TTC6: variants seen among roughly 807,000 people sequenced by gnomAD.
TTC6 encodes tetratricopeptide repeat protein 6.
Under a neutral mutation model 210.4 loss-of-function variants are expected in TTC6, and 172 were observed. The ratio of observed to expected loss-of-function variants is 0.82; its 90% CI spans 0.72 to 0.93. TTC6 has a LOEUF of 0.93. TTC6 is among the 40% of genes least tolerant of loss of function. TTC6 has a pLI of 0.00. For missense variants in TTC6, 2,414 were observed against 2,318.1 expected (o/e 1.04, Z -0.85); for synonymous variants, 804 against 819.6 (o/e 0.98, Z 0.32).
intron 5 of TTC6, among the ~76,000 whole-genome samples, chr14:37,708,508 G>A (rs909867104): frequency 6.6e-6 from 1 of 152,004 alleles, no homozygotes; most frequent in African/African-American, 2.4e-5. Context: ...TTCAAGCCCA[G>A]GTCTTTATAA....
intron 5 of TTC6, among the ~76,000 whole-genome samples, chr14:37,705,710 A>G (rs1365535587): frequency 6.6e-6 from 1 of 152,136 alleles, no homozygotes; most frequent in African/African-American, 2.4e-5. Flanking sequence ...GAGACCAGTG[A>G]AAAGAAGGGT....
intron 29 of TTC6, among the ~76,000 whole-genome samples, chr14:37,836,801 C>G (rs115387988): frequency 0.013 from 1,945 of 152,182 alleles, 45 homozygotes; most frequent in African/African-American, 0.044. Context: ...GGAGGTAAGA[C>G]TTAGGCTAGG....
intron 10 of TTC6, among the ~76,000 whole-genome samples, chr14:37,745,631 C>T (rs2095933706): frequency 6.6e-6 from 1 of 152,126 alleles, no homozygotes; most frequent in East Asian, 1.9e-4. Flanking sequence ...GTTAAATGGT[C>T]TCAGGCCAAG....
chr14:37,612,967 TTTTA>T (rs1228649759), intron 2 of TTC6, among the ~76,000 whole-genome samples: 1 of 152,184 alleles, frequency 6.6e-6, no homozygotes, highest in Non-Finnish European at 1.5e-5. Context: ...TCTTTATTAC[TTTTA>T]TTTCTTTACC....
chr14:37,627,246 T>C (rs2095661924), intron 1 of TTC6, among the ~76,000 whole-genome samples: 1 of 152,210 alleles, frequency 6.6e-6, no homozygotes, highest in South Asian at 2.1e-4. Context: ...ATGAGCCTAT[T>C]AAACCTCTTT....
intron 1 of TTC6, among the ~76,000 whole-genome samples, chr14:37,666,250 C>T (rs2095747769): frequency 1.3e-5 from 2 of 149,670 alleles, no homozygotes; most frequent in Admixed American, 6.7e-5. Flanking sequence ...GCAACATTCC[C>T]CATCGATCTG....
At chr14:37,783,814 G>T (rs932613685) in intron 14 of TTC6, among the ~76,000 whole-genome samples, 1 of 152,128 alleles carries the variant, frequency 6.6e-6, no homozygotes, top group African/African-American at 2.4e-5. Flanking sequence ...GTGTCCCAGA[G>T]ATTCTGGGAT....
At chr14:37,835,049 T>C (rs2096194486) in intron 29 of TTC6, among the ~76,000 whole-genome samples, 1 of 152,158 alleles carries the variant, frequency 6.6e-6, no homozygotes, top group African/African-American at 2.4e-5. Context: ...GGCAGTCCAG[T>C]CCTCAGGCCC....
At chr14:37,614,853 T>G (rs986470934) in intron 2 of TTC6, among the ~76,000 whole-genome samples, 14 of 152,254 alleles carry the variant, frequency 9.2e-5, no homozygotes, top group African/African-American at 3.4e-4. Flanking sequence ...TTCAAGAAGT[T>G]CTCTTGCTTC....
At chr14:37,775,942 A>G (rs1038780760) in intron 14 of TTC6, among the ~76,000 whole-genome samples, 4 of 151,076 alleles carry the variant, frequency 2.6e-5, no homozygotes, top group African/African-American at 9.8e-5. Flanking sequence ...TAGCATCTCC[A>G]CCTTTTTTTC....
chr14:37,779,730 T>C (rs2096048785), intron 14 of TTC6, among the ~76,000 whole-genome samples: 1 of 152,202 alleles, frequency 6.6e-6, no homozygotes, highest in Admixed American at 6.5e-5. Flanking sequence ...CTATTCTGGT[T>C]ATCTACTTCT....
intron 3 of TTC6, among the ~76,000 whole-genome samples, chr14:37,688,588 GGAGA>G (rs142772632): frequency 3.3e-5 from 5 of 151,054 alleles, no homozygotes; most frequent in South Asian, 4.2e-4. Context: ...TTGGCTCAGG[GGAGA>G]GAGAGAGAGA....
At chr14:37,741,596 C>G (rs2095920039) in intron 10 of TTC6, among the ~76,000 whole-genome samples, 1 of 152,020 alleles carries the variant, frequency 6.6e-6, no homozygotes, top group Non-Finnish European at 1.5e-5. Context: ...GGCCTTTTCT[C>G]ACTAATCTTA....
At chr14:37,790,222 C>T (rs548358009) in intron 15 of TTC6, among the ~76,000 whole-genome samples, 7 of 152,108 alleles carry the variant, frequency 4.6e-5, no homozygotes, top group Admixed American at 6.5e-5. Flanking sequence ...CTTGTCCATC[C>T]CGGTTTGTGT....
rs114686359 is a variant in TTC6 at position 37,606,789 on chromosome 14, A to G, written c.-155+47A>G. ...CCAGTTCATCCTCATCCTGTAAGTCATCAAAAGGCTCTACTCCTTCCCTGT... is the reference window on the plus strand; with the variant it reads ...CCAGTTCATCCTCATCCTGTAAGTCGTCAAAAGGCTCTACTCCTTCCCTGT... On this transcript the variant is annotated intron_variant, in intron 2 of 2. Coordinates refer to the TTC6 transcript ENST00000556845. The G allele has an allele frequency of 1.4e-3, 1,361 of 985,008 alleles. 17 individuals carry two copies. The African/African-American group carries it at 0.021, about 15-fold the overall frequency. 61.0% of individuals were successfully genotyped at this position (985,008 alleles called of 1,614,324 possible).
chr14:37,655,520 G>A (rs2139438463), intron 1 of TTC6, among the ~76,000 whole-genome samples: 1 of 152,232 alleles, frequency 6.6e-6, no homozygotes, highest in Middle Eastern at 3.4e-3. Context: ...CTTTGTGTTA[G>A]TTTGAAGTAC....
At chr14:37,642,940 A>G (rs937845609) in intron 1 of TTC6, among the ~76,000 whole-genome samples, 1 of 152,228 alleles carries the variant, frequency 6.6e-6, no homozygotes, top group African/African-American at 2.4e-5. Context: ...GTATAACCTT[A>G]TGGAATCACT....
At chr14:37,804,891 G>T in intron 21 of TTC6, 77 bp downstream of exon 23, 1 of 1,550,566 alleles carries the variant, frequency 6.4e-7, no homozygotes, top group Non-Finnish European at 8.8e-7. Context: ...TGTTTCTGAA[G>T]GCCACCTATA....
At chr14:37,655,808 T>G (rs892651105) in intron 1 of TTC6, among the ~76,000 whole-genome samples, 2 of 152,180 alleles carry the variant, frequency 1.3e-5, no homozygotes, top group African/African-American at 2.4e-5. Context: ...AAAATCAGTC[T>G]TCTTTGTAGT....
Sources: gnomAD v4.1 joint callset for allele counts (sites outside exome capture counted in the v4.1 genomes callset) on GRCh38, gnomAD v4.1.1 for gene constraint, MANE v1.5 for transcripts, NCBI Gene and HGNC (gene_info 2026-07-23, HGNC 2026-07-21) for gene names.